Variants in TBC1D5 observed in about 807,000 individuals in gnomAD.
The protein encoded by TBC1D5 is TBC1 domain family, member 5.
Under a neutral mutation model 100.3 loss-of-function variants are expected in TBC1D5, and 75 were observed. The ratio of observed to expected loss-of-function variants is 0.75; its 90% CI spans 0.62 to 0.91. TBC1D5 has a LOEUF of 0.91. TBC1D5 is among the 40% of genes least tolerant of loss of function. The pLI is 0.00. For missense variants in TBC1D5, 910 were observed against 942.4 expected (o/e 0.97, Z 0.45); for synonymous variants, 323 against 325.6 (o/e 0.99, Z 0.09).
exon 17 of TBC1D5, chr3:17,238,301 C>T (rs529575179): frequency 6.2e-7 from 1 of 1,613,996 alleles, no homozygotes; most frequent in Admixed American, 1.7e-5. Context: ...CTGTTGCCTC[C>T]AGGTACAGGG....
intron 2 of TBC1D5, among the ~76,000 whole-genome samples, chr3:17,613,275 C>T (rs1171926496): frequency 2.6e-5 from 4 of 152,298 alleles, no homozygotes; most frequent in African/African-American, 7.2e-5. Flanking sequence ...TTTCTTAATA[C>T]AGTCTATCAT....
At chr3:17,265,978 T>A (rs1037858814) in intron 15 of TBC1D5, among the ~76,000 whole-genome samples, 1 of 152,172 alleles carries the variant, frequency 6.6e-6, no homozygotes, top group Non-Finnish European at 1.5e-5. Flanking sequence ...GATTAAGTAT[T>A]GTTGCCTTTA....
At chr3:17,558,666 T>C (rs1051439906) in intron 2 of TBC1D5, among the ~76,000 whole-genome samples, 1 of 152,322 alleles carries the variant, frequency 6.6e-6, no homozygotes, top group South Asian at 2.1e-4. Flanking sequence ...ATTGGCAACA[T>C]TATTCTGAAA....
At chr3:17,677,629 A>C (rs2068818209) in intron 1 of TBC1D5, among the ~76,000 whole-genome samples, 1 of 152,236 alleles carries the variant, frequency 6.6e-6, no homozygotes, top group Non-Finnish European at 1.5e-5. Flanking sequence ...CATTTGACCC[A>C]GCCATCCCAT....
chr3:17,670,912 G>C (rs1201435316), intron 1 of TBC1D5, among the ~76,000 whole-genome samples: 2 of 152,176 alleles, frequency 1.3e-5, no homozygotes, highest in African/African-American at 4.8e-5. Flanking sequence ...TGCACCACTA[G>C]CATCAAGGGA....
intron 1 of TBC1D5, among the ~76,000 whole-genome samples, chr3:17,632,009 T>C (rs2063542397): frequency 6.6e-6 from 1 of 152,238 alleles, no homozygotes; most frequent in Admixed American, 6.5e-5. Flanking sequence ...TTAAAGCTAT[T>C]GCTGCCATAA....
chr3:17,350,857 T>C (rs1381672384), intron 13 of TBC1D5, among the ~76,000 whole-genome samples: 2 of 152,158 alleles, frequency 1.3e-5, no homozygotes, highest in South Asian at 2.1e-4. Context: ...CAGGCTGCTA[T>C]ACAACAGAAT....
At chr3:17,227,761 G>C (rs2075043393) in intron 17 of TBC1D5, among the ~76,000 whole-genome samples, 1 of 151,886 alleles carries the variant, frequency 6.6e-6, no homozygotes, top group African/African-American at 2.4e-5. Flanking sequence ...CTTAGTACCT[G>C]GGTGATGAAA....
intron 1 of TBC1D5, among the ~76,000 whole-genome samples, chr3:17,658,148 G>C (rs79557094): frequency 0.012 from 1,757 of 152,218 alleles, 35 homozygotes; most frequent in African/African-American, 0.04. Context: ...TTTTGTATAA[G>C]TACATTCTAT....
intron 3 of TBC1D5, among the ~76,000 whole-genome samples, chr3:17,451,820 T>C (rs1041149793): frequency 6.6e-6 from 1 of 152,082 alleles, no homozygotes; most frequent in Non-Finnish European, 1.5e-5. Context: ...CTCGGAGGGC[T>C]GAGGCAGGAG....
At chr3:17,295,601 G>T (rs1013319807) in intron 14 of TBC1D5, among the ~76,000 whole-genome samples, 1 of 152,144 alleles carries the variant, frequency 6.6e-6, no homozygotes, top group Non-Finnish European at 1.5e-5. Context: ...AAGCAATGTG[G>T]ATCAATAACT....
chr3:17,453,365 A>G (rs1040262110), intron 3 of TBC1D5, among the ~76,000 whole-genome samples: 2 of 152,062 alleles, frequency 1.3e-5, no homozygotes, highest in Non-Finnish European at 2.9e-5. Flanking sequence ...AAAAAAAGAA[A>G]TAAAAAGTTG....
At chr3:17,199,151 A>T (rs2071121463) in intron 18 of TBC1D5, among the ~76,000 whole-genome samples, 1 of 152,204 alleles carries the variant, frequency 6.6e-6, no homozygotes, top group African/African-American at 2.4e-5. Flanking sequence ...ATTTGAGAAA[A>T]AGCTCATGTC....
rs202022115 is a variant in TBC1D5 at position 17,648,669 on chromosome 3, AAC to A, written c.-100-24758_-100-24757del. On this transcript the variant is annotated intron_variant, in intron 1 of 21. Coordinates refer to ENST00000253692, the Ensembl canonical transcript of TBC1D5. Reference sequence around the variant, plus strand: ...CAACACCACTGAAAAGTCGCCAAAAAACACAAACAGACACTTCTCAAAAGAAG... The same window carrying A: ...CAACACCACTGAAAAGTCGCCAAAAAACAAACAGACACTTCTCAAAAGAAG... Among the ~76,000 whole-genome samples the A allele has an allele frequency of 3.0e-3, 448 of 150,522 alleles. 2 individuals are homozygous for A. The highest frequency in any genetic ancestry group is 5.3e-3 in the Non-Finnish European group (361 of 67,986).
intron 2 of TBC1D5, among the ~76,000 whole-genome samples, chr3:17,529,772 G>A (rs1056120362): frequency 2.0e-5 from 3 of 151,776 alleles, no homozygotes; most frequent in South Asian, 2.1e-4. Context: ...TCAGCCTCTC[G>A]AGTAGCTGGG....
rs2149032394 is a variant in TBC1D5, at chr3:17,238,150, T to C, written c.1588+13A>G. ...TGAATGTTTTCTTTAGATTTACTAGTATTTTTTCCTACCTTTGTTCAATTG... is the reference window on the plus strand; with the variant it reads ...TGAATGTTTTCTTTAGATTTACTAGCATTTTTTCCTACCTTTGTTCAATTG... On this transcript the variant is annotated intron_variant, in intron 17 of 21. Coordinates refer to ENST00000253692, the Ensembl canonical transcript of TBC1D5. 6 of 1,609,144 alleles carry C rather than the reference T, an allele frequency of 3.7e-6. No homozygotes were observed. The highest frequency in any genetic ancestry group is 5.1e-6 in the Non-Finnish European group (6 of 1,177,338).
rs1553888485 is a variant in TBC1D5 at position 17,631,059 on chromosome 3, A to AAAAAAG, written c.-100-7147_-100-7146insCTTTTT. 5.6e-3 allele frequency among the ~76,000 whole-genome samples: 750 copies of AAAAAAG among 133,344 alleles called. 52 individuals carry two copies. The highest frequency in any genetic ancestry group is 0.019 in the African/African-American group (678 of 35,218). 87.5% of individuals were successfully genotyped at this position (133,344 alleles called of 152,430 possible). A position where few individuals can be genotyped will look rare whatever the true frequency, so the allele number is the denominator to read the frequency against. On this transcript the variant is annotated intron_variant, in intron 1 of 21. Transcript: ENST00000253692. The stretch of plus-strand genomic sequence containing the variant: ...ACTCCGTCTCAAAAAAAAAAAAAAA[A>AAAAAAG]AAAGTTAGGCCTCCTGAACCAAAAA...
chr3:17,313,030 T>A (rs967124458), intron 13 of TBC1D5, among the ~76,000 whole-genome samples: 22 of 152,206 alleles, frequency 1.4e-4, no homozygotes, highest in African/African-American at 5.1e-4. Flanking sequence ...CTTTAGCATA[T>A]ATAATTTACC....
At chr3:17,276,351 A>G (rs1241702482) in intron 15 of TBC1D5, among the ~76,000 whole-genome samples, 2 of 152,170 alleles carry the variant, frequency 1.3e-5, no homozygotes, top group Non-Finnish European at 1.5e-5. Flanking sequence ...AGATTTCAAC[A>G]TCTGAATTTT....
Sources: gnomAD v4.1 joint callset for allele counts (sites outside exome capture counted in the v4.1 genomes callset) on GRCh38, gnomAD v4.1.1 for gene constraint, MANE v1.5 for transcripts, NCBI Gene and HGNC (gene_info 2026-07-23, HGNC 2026-07-21) for gene names.